Variants in IGF2BP1 observed in about 807,000 individuals in gnomAD.
The protein encoded by IGF2BP1 is insulin-like growth factor 2 mRNA-binding protein 1.
IGF2BP1 carries 11 observed loss-of-function variants against 74.9 expected under a neutral mutation model. That is an observed-to-expected ratio of 0.15 (90% confidence interval 0.09 to 0.24). The LOEUF (loss-of-function observed/expected upper bound fraction) is 0.24, where lower values mean the gene tolerates loss of function less well. Among genes scored for constraint, IGF2BP1 ranks in the 10% least tolerant of loss-of-function variants. IGF2BP1 has a pLI of 1.00. For synonymous variants in IGF2BP1, 287 were observed against 281.8 expected (o/e 1.02, Z -0.18); for missense variants, 440 against 757.4 (o/e 0.58, Z 4.92).
intron 2 of IGF2BP1, among the ~76,000 whole-genome samples, chr17:49,004,135 T>TAAC: frequency 6.6e-6 from 1 of 152,226 alleles, no homozygotes; most frequent in Non-Finnish European, 1.5e-5. Context: ...TGCCTTCTCT[T>TAAC]AACAAGCCCC....
At chr17:49,049,139 C>T (rs113514981) in intron 14 of IGF2BP1, among the ~76,000 whole-genome samples, 2,355 of 152,218 alleles carry the variant, frequency 0.015, 76 homozygotes, top group African/African-American at 0.054. Flanking sequence ...ACACCCACCA[C>T]GTTTGCTGTA....
At chr17:48,999,081 A>G in intron 1 of IGF2BP1, 28 bp from the exon 2 acceptor site, 1 of 1,320,182 alleles carries the variant, frequency 7.6e-7, no homozygotes, top group Non-Finnish European at 1.1e-6. Context: ...TCAAGCTCTC[A>G]TGGTAATTTT....
intron 14 of IGF2BP1, among the ~76,000 whole-genome samples, chr17:49,046,953 A>G (rs2042114403): frequency 6.6e-6 from 1 of 152,112 alleles, no homozygotes; most frequent in Non-Finnish European, 1.5e-5. Flanking sequence ...ATTTTGCTGA[A>G]CCTCAGCAAG....
At chr17:49,017,907 C>G (rs1052649206) in intron 2 of IGF2BP1, 2 of 152,138 alleles carry the variant, frequency 1.3e-5, no homozygotes, top group Non-Finnish European at 2.9e-5. Flanking sequence ...GGATTACAGG[C>G]ATGCACCACC....
intron 4 of IGF2BP1, 94 bp downstream of exon 4, chr17:49,026,611 CCCTTCCTTCCTT>C (rs745311533): frequency 7.4e-5 from 76 of 1,029,206 alleles, no homozygotes; most frequent in Middle Eastern, 5.4e-4. Flanking sequence ...TTCTTTTTCT[CCCTTCCTTCCTT>C]CCTTCCTTCC....
intron 1 of IGF2BP1, among the ~76,000 whole-genome samples, chr17:48,998,520 G>GCGC: frequency 6.6e-6 from 1 of 152,172 alleles, no homozygotes; most frequent in East Asian, 1.9e-4. Context: ...GGCGGCGGCG[G>GCGC]CGCCGGGTCG....
chr17:49,035,364 T>C (rs1055373332), intron 5 of IGF2BP1, among the ~76,000 whole-genome samples: 1 of 152,248 alleles, frequency 6.6e-6, no homozygotes, highest in Admixed American at 6.5e-5. Flanking sequence ...TCAGTTTTCC[T>C]TTACAGTTGA....
At chr17:49,019,938 A>ATATATATATATATATATTTT (rs1555597792) in intron 2 of IGF2BP1, among the ~76,000 whole-genome samples, 1 of 57,392 alleles carries the variant, frequency 1.7e-5, no homozygotes, top group Admixed American at 1.9e-4. Context: ...ATATATATAT[A>ATATATATATATATATATTTT]TATATATATA....
intron 4 of IGF2BP1, among the ~76,000 whole-genome samples, chr17:49,029,376 A>G (rs1308794912): frequency 1.3e-5 from 2 of 152,106 alleles, no homozygotes; most frequent in Non-Finnish European, 2.9e-5. Context: ...GGACTTTGGG[A>G]GGCTGAGATG....
intron 5 of IGF2BP1, 89 bp downstream of exon 5, chr17:49,032,062 G>T: frequency 2.6e-6 from 3 of 1,168,686 alleles, no homozygotes; most frequent in South Asian, 2.5e-5. Flanking sequence ...TCCTCAGGGG[G>T]GTCTAGGCAG....
Position 49,015,579 on chromosome 17 carries a change from G to A in IGF2BP1, c.237-10039G>A, listed in dbSNP as rs542964365. ...GGTCACCTCTTTTCTATTTGTCCCC[G>A]TACTGTAGGTTTGTCCTGATGGTTT... On this transcript the variant is annotated intron_variant, in intron 2 of 14. Coordinates refer to ENST00000290341, the MANE Select transcript of IGF2BP1 (RefSeq NM_006546.4). Among the ~76,000 whole-genome samples the A allele has an allele frequency of 2.0e-5, 3 of 152,302 alleles. 1 individual carries two copies. The highest frequency in any genetic ancestry group is 3.9e-4 in the East Asian group (2 of 5,168).
chr17:49,009,695 G>C (rs1001299658), intron 2 of IGF2BP1, among the ~76,000 whole-genome samples: 2 of 149,322 alleles, frequency 1.3e-5, no homozygotes, highest in African/African-American at 2.5e-5. Flanking sequence ...GGCAACAAGA[G>C]CGAAACTCCA....
intron 6 of IGF2BP1, among the ~76,000 whole-genome samples, chr17:49,039,240 TATC>T (rs2042022408): frequency 1.3e-5 from 2 of 152,106 alleles, no homozygotes; most frequent in South Asian, 4.2e-4. Context: ...ATTATGTCCT[TATC>T]ATAGTAAATC....
chr17:49,012,779 G>T (rs778394093), intron 2 of IGF2BP1, among the ~76,000 whole-genome samples: 11 of 152,120 alleles, frequency 7.2e-5, no homozygotes, highest in Non-Finnish European at 1.3e-4. Flanking sequence ...TGTCGCCCAG[G>T]GTGGAGTGTA....
In IGF2BP1 at chr17:49,038,195, G is replaced by A; in HGVS notation, c.429G>A (p.Gln143=). 1 of 1,522,212 alleles carries A rather than the reference G, an allele frequency of 6.6e-7. No individual in the cohort carries two copies. Among genetic ancestry groups the A allele is most frequent in the Non-Finnish European group, 8.8e-7 (1 of 1,131,266 alleles). The allele number at this position is 1,522,212 out of a possible 1,614,324, so 94.3% of individuals were successfully genotyped here. A position where few individuals can be genotyped will look rare whatever the true frequency, so the allele number is the denominator to read the frequency against. The change falls in exon 6 of 15, where the codon CAG becomes CAA. Residue 143 remains glutamine (Q), a synonymous_variant. Transcript: ENST00000290341. ...CCATCATGAAGCTGAATGGCCACCA[G>A]TTGGAGAACCATGCCCTGAAGGTCT... The part of the protein sequence containing the change: ...RQAIMKLNGH[Q]LENHALKVSY...
At chr17:49,038,485 C>CTCT in intron 6 of IGF2BP1, 36 bp downstream of exon 6, 1 of 1,437,676 alleles carries the variant, frequency 7.0e-7, no homozygotes. Context: ...AGGTTGGGTG[C>CTCT]TAGGGAACAG....
At chr17:49,002,054 C>A (rs9909861) in intron 2 of IGF2BP1, among the ~76,000 whole-genome samples, 56,307 of 151,852 alleles carry the variant, frequency 0.37, 11,116 homozygotes, top group African/African-American at 0.47. Flanking sequence ...GATGCACTGA[C>A]TCATTTTTTT....
At position 49,054,281 on chromosome 17, in the gene IGF2BP1, T is replaced by C. The variant is rs2042200696; in HGVS notation, c.*4837T>C. 6.6e-6 allele frequency: 1 copy of C among 152,636 alleles called. No homozygotes were observed. Among genetic ancestry groups the C allele is most frequent in the South Asian group, 2.1e-4 (1 of 4,836 alleles). 9.5% of individuals were successfully genotyped at this position (152,636 alleles called of 1,614,324 possible). A position where few individuals can be genotyped will look rare whatever the true frequency, so the allele number is the denominator to read the frequency against. ...TGGACAAAAGAAAAAAAATTTTTTT[T>C]CTTGAATGAAATAGCAGGAAGCTCC... On this transcript the variant is annotated 3_prime_UTR_variant, in exon 15 of 15. Transcript: ENST00000290341.
intron 14 of IGF2BP1, among the ~76,000 whole-genome samples, chr17:49,048,250 T>C (rs2042128316): frequency 6.6e-6 from 1 of 151,862 alleles, no homozygotes; most frequent in Admixed American, 6.6e-5. Context: ...TTATTTTTTA[T>C]TTTTACTTTT....
Sources: allele counts gnomAD v4.1 joint callset (sites outside exome capture counted in the v4.1 genomes callset), GRCh38; gene constraint gnomAD v4.1.1; transcripts MANE v1.5; gene names NCBI Gene and HGNC (gene_info 2026-07-23, HGNC 2026-07-21).